The following NRXN1 variants were observed in gnomAD, a reference collection of about 807,000 sequenced individuals.
The protein encoded by NRXN1 is neurexin-1.
A neutral mutation model predicts 150.9 loss-of-function variants in NRXN1; 39 were observed. The observed-to-expected ratio is 0.26, with a 90% CI of 0.20 to 0.34. The LOEUF (loss-of-function observed/expected upper bound fraction) is 0.34. NRXN1 is among the 10% of genes least tolerant of loss of function. The pLI, the probability that NRXN1 is intolerant of heterozygous loss-of-function variation, is 1.00. For synonymous variants in NRXN1, 924 were observed against 757.0 expected (o/e 1.22, Z -3.62); for missense variants, 1,815 against 1,949.9 (o/e 0.93, Z 1.30).
chr2:50,731,644 T>C (rs858950), intron 5 of NRXN1, among the ~76,000 whole-genome samples: 138,908 of 152,162 alleles, frequency 0.91, 63,616 homozygotes, highest in African/African-American at 0.98. Context: ...CTGCACACCC[T>C]AGAACTCATC....
In NRXN1 at chr2:50,315,148, A is replaced by T. The variant is rs577023796; in HGVS notation, c.3365-78178T>A. On this transcript the variant is annotated intron_variant, in intron 17 of 22. Transcript: ENST00000401669. ...CACAGTAGAATCTCTTTTCTGCTTT[A>T]TCTCTCTGAAGAATATGTGAGCTTT... Among the ~76,000 whole-genome samples the T allele has an allele frequency of 2.0e-5, 3 of 152,114 alleles. No homozygotes were observed. The South Asian group carries it at 6.2e-4, about 32-fold the overall frequency.
intron 5 of NRXN1, among the ~76,000 whole-genome samples, chr2:50,629,318 C>T (rs890395806): frequency 4.0e-5 from 6 of 151,610 alleles, no homozygotes; most frequent in African/African-American, 1.4e-4. Context: ...AACAGAAATA[C>T]AGATAAATCT....
intron 21 of NRXN1, among the ~76,000 whole-genome samples, chr2:49,988,768 T>C (rs1224416378): frequency 2.0e-5 from 3 of 152,184 alleles, no homozygotes; most frequent in African/African-American, 7.2e-5. Flanking sequence ...AAAGGATATA[T>C]GTCTGAAATT....
At chr2:50,601,063 C>T (rs1255119503) in intron 8 of NRXN1, among the ~76,000 whole-genome samples, 2 of 151,644 alleles carry the variant, frequency 1.3e-5, no homozygotes, top group African/African-American at 4.8e-5. Flanking sequence ...ACTGATGAGA[C>T]ATCTTGGCAA....
intron 18 of NRXN1, among the ~76,000 whole-genome samples, chr2:50,197,571 AG>A (rs758110699): frequency 2.0e-5 from 3 of 152,130 alleles, no homozygotes; most frequent in Non-Finnish European, 4.4e-5. Flanking sequence ...TGCTTTAAAA[AG>A]TTTTATTTTT....
chr2:50,517,589 G>A (rs891193685), intron 12 of NRXN1, among the ~76,000 whole-genome samples: 1 of 152,102 alleles, frequency 6.6e-6, no homozygotes, highest in Non-Finnish European at 1.5e-5. Flanking sequence ...TACAGTTGGA[G>A]AACTTGAGTA....
chr2:50,789,768 C>T (rs1574483080), intron 5 of NRXN1, among the ~76,000 whole-genome samples: 1 of 152,036 alleles, frequency 6.6e-6, no homozygotes, highest in Non-Finnish European at 1.5e-5. Context: ...TGAAAGTTAG[C>T]ATTCACTTGA....
chr2:50,684,546 A>G (rs1690939195), intron 5 of NRXN1, among the ~76,000 whole-genome samples: 1 of 152,108 alleles, frequency 6.6e-6, no homozygotes, highest in Non-Finnish European at 1.5e-5. Context: ...AATTTGAGAA[A>G]AATTGAATGA....
At chr2:50,149,290 A>C (rs767572433) in intron 18 of NRXN1, among the ~76,000 whole-genome samples, 2 of 151,752 alleles carry the variant, frequency 1.3e-5, no homozygotes, top group African/African-American at 2.4e-5. Context: ...GGCTAAGCAA[A>C]AAAGACAAAG....
At chr2:50,500,104 A>G (rs1216125448) in intron 13 of NRXN1, among the ~76,000 whole-genome samples, 2 of 152,114 alleles carry the variant, frequency 1.3e-5, no homozygotes, top group Non-Finnish European at 2.9e-5. Flanking sequence ...TGAAACAACC[A>G]ATAGTAAAAA....
rs1206790629 is a variant in NRXN1, at chr2:50,396,296, A to T, written c.3364+69146T>A. On this transcript the variant is annotated intron_variant, in intron 17 of 22. Transcript: ENST00000401669. ...AATTCCTGTTTATTTAGACTTCATTATTGTCAATTTAACATGTGAAAGTTT... is the reference window on the plus strand; with the variant it reads ...AATTCCTGTTTATTTAGACTTCATTTTTGTCAATTTAACATGTGAAAGTTT... Among the ~76,000 whole-genome samples the T allele has an allele frequency of 3.3e-5, 5 of 152,160 alleles. 1 individual carries two copies. The highest frequency in any genetic ancestry group is 7.3e-5 in the Non-Finnish European group (5 of 68,030).
chr2:50,673,299 T>G (rs2104742721), intron 5 of NRXN1, among the ~76,000 whole-genome samples: 1 of 152,294 alleles, frequency 6.6e-6, no homozygotes, highest in Admixed American at 6.5e-5. Context: ...TGTTTAGATC[T>G]AATTATTTTT....
chr2:50,622,893 C>G (rs901940379), intron 6 of NRXN1, among the ~76,000 whole-genome samples: 1 of 152,108 alleles, frequency 6.6e-6, no homozygotes, highest in African/African-American at 2.4e-5. Context: ...GGGACTGATA[C>G]AATCCCAAAT....
At chr2:50,317,759 G>A (rs1043081586) in intron 17 of NRXN1, among the ~76,000 whole-genome samples, 2 of 151,878 alleles carry the variant, frequency 1.3e-5, no homozygotes, top group Non-Finnish European at 2.9e-5. Context: ...TTAATTTATA[G>A]AGTTCATACA....
At chr2:50,178,448 CT>C (rs1166836856) in intron 18 of NRXN1, among the ~76,000 whole-genome samples, 2 of 152,150 alleles carry the variant, frequency 1.3e-5, no homozygotes. Flanking sequence ...TTTCATGCTA[CT>C]TTTTTTCTAC....
intron 18 of NRXN1, among the ~76,000 whole-genome samples, chr2:50,183,667 A>T (rs984426732): frequency 6.7e-6 from 1 of 150,358 alleles, no homozygotes; most frequent in Admixed American, 6.7e-5. Context: ...TGTCACAACT[A>T]GATACTATTG....
At chr2:49,984,451 CT>C (rs539110636) in intron 21 of NRXN1, among the ~76,000 whole-genome samples, 95 of 152,192 alleles carry the variant, frequency 6.2e-4, no homozygotes, top group African/African-American at 2.1e-3. Context: ...GCAATAAAAA[CT>C]TTTTTTCCAA....
chr2:50,922,444 A>T, intron 4 of NRXN1: 1 of 629,342 alleles, frequency 1.6e-6, no homozygotes, highest in Non-Finnish European at 2.9e-6. Flanking sequence ...TAATGCAAGA[A>T]ATGAAGGAAA....
At chr2:50,875,964 T>C (rs1359513090) in intron 5 of NRXN1, among the ~76,000 whole-genome samples, 1 of 151,810 alleles carries the variant, frequency 6.6e-6, no homozygotes, top group African/African-American at 2.4e-5. Flanking sequence ...GCTTTGAAAG[T>C]GGAAGAGACC....
Sources: gnomAD v4.1 joint callset for allele counts (sites outside exome capture counted in the v4.1 genomes callset) on GRCh38, gnomAD v4.1.1 for gene constraint, MANE v1.5 for transcripts, NCBI Gene and HGNC (gene_info 2026-07-23, HGNC 2026-07-21) for gene names.